Variants in CAPZB observed in about 807,000 individuals in gnomAD.
CAPZB encodes the protein F-actin-capping protein subunit beta.
Under a neutral mutation model 38.1 loss-of-function variants are expected in CAPZB, and 2 were observed. The ratio of observed to expected loss-of-function variants is 0.05; its 90% CI spans 0.02 to 0.17. The LOEUF (loss-of-function observed/expected upper bound fraction) is 0.17, where lower values mean the gene tolerates loss of function less well. Among genes scored for constraint, CAPZB ranks in the 10% least tolerant of loss-of-function variants. The pLI is 1.00. For missense variants in CAPZB, 161 were observed against 334.2 expected (o/e 0.48, Z 4.04); for synonymous variants, 107 against 127.4 (o/e 0.84, Z 1.08).
rs1272542770 is a variant in CAPZB, at chr1:19,338,977, C to T, written c.*553G>A. On this transcript the variant is annotated 3_prime_UTR_variant, in exon 9 of 9. Transcript: ENST00000264202. ...CGGTCGGCGGCACCCCCCCCAGCCCCCACCCCGCGGCCTCCGTGGGACGGG... is the reference window on the plus strand; with the variant it reads ...CGGTCGGCGGCACCCCCCCCAGCCCTCACCCCGCGGCCTCCGTGGGACGGG... The T allele has an allele frequency of 6.6e-6, 1 of 152,600 alleles. No individual in the cohort carries two copies. Among genetic ancestry groups the T allele is most frequent in the Non-Finnish European group, 1.5e-5 (1 of 68,292 alleles). 9.5% of individuals were successfully genotyped at this position (152,600 alleles called of 1,614,324 possible). A position where few individuals can be genotyped will look rare whatever the true frequency, so the allele number is the denominator to read the frequency against.
chr1:19,416,398 C>A (rs1040181801), intron 2 of CAPZB, among the ~76,000 whole-genome samples: 22 of 152,260 alleles, frequency 1.4e-4, no homozygotes, highest in African/African-American at 4.6e-4. Context: ...ATCCTGGCTT[C>A]TTCCCCATAG....
intron 1 of CAPZB, among the ~76,000 whole-genome samples, chr1:19,425,089 T>C (rs4912091): frequency 0.75 from 114,451 of 152,174 alleles, 43,298 homozygotes; most frequent in East Asian, 0.85. Flanking sequence ...TCCTAGGACT[T>C]CCCTCCCTCA....
At chr1:19,417,047 T>A (rs1205226932) in intron 2 of CAPZB, among the ~76,000 whole-genome samples, 1 of 152,022 alleles carries the variant, frequency 6.6e-6, no homozygotes, top group Non-Finnish European at 1.5e-5. Flanking sequence ...CAGCTCTTGA[T>A]ACTCTCCTTC....
At chr1:19,400,416 CCCT>C (rs949128627) in intron 2 of CAPZB, among the ~76,000 whole-genome samples, 8 of 152,182 alleles carry the variant, frequency 5.3e-5, no homozygotes, top group Non-Finnish European at 1.0e-4. Context: ...GCGTGCCATG[CCCT>C]CCTCAAGTAT....
intron 1 of CAPZB, among the ~76,000 whole-genome samples, chr1:19,442,326 T>A (rs2094480115): frequency 6.6e-6 from 1 of 152,112 alleles, no homozygotes; most frequent in Non-Finnish European, 1.5e-5. Context: ...TGATTCAAAC[T>A]GATTCGAGCT....
At chr1:19,362,197 T>TA (rs946849947) in intron 4 of CAPZB, among the ~76,000 whole-genome samples, 11 of 72,694 alleles carry the variant, frequency 1.5e-4, no homozygotes, top group Non-Finnish European at 3.2e-4. Context: ...TTTTATTATA[T>TA]TTTTTTGAGA....
rs1006230451 is a variant in CAPZB at position 19,359,296 on chromosome 1, A to C, written c.330-1733T>G. Among the ~76,000 whole-genome samples the C allele has an allele frequency of 2.0e-5, 3 of 150,818 alleles. No homozygotes were observed. The Admixed American group carries it at 2.0e-4, about 10-fold the overall frequency. ...GCTTTTGTGAAAAATCAGTACACGA[A>C]TACACCGGAGTGTAATGTAACTAAG... On this transcript the variant is annotated intron_variant, in intron 4 of 8. Transcript: ENST00000264202.
At chr1:19,468,471 C>T (rs1311400957) in intron 1 of CAPZB, among the ~76,000 whole-genome samples, 5 of 152,190 alleles carry the variant, frequency 3.3e-5, no homozygotes, top group Admixed American at 2.6e-4. Context: ...ACATAGGAGG[C>T]GCTCAGGGAA....
intron 1 of CAPZB, among the ~76,000 whole-genome samples, chr1:19,437,575 A>G (rs1456610894): frequency 6.6e-6 from 1 of 152,196 alleles, no homozygotes; most frequent in Non-Finnish European, 1.5e-5. Flanking sequence ...CACAGTCTTA[A>G]AGACTTGATG....
At chr1:19,366,375 G>A (rs2094088227) in intron 4 of CAPZB, among the ~76,000 whole-genome samples, 1 of 150,278 alleles carries the variant, frequency 6.7e-6, no homozygotes, top group Non-Finnish European at 1.5e-5. Context: ...ACAAAGACAA[G>A]GTCATACAGG....
At chr1:19,483,006 G>A (rs1178865114) in intron 1 of CAPZB, among the ~76,000 whole-genome samples, 1 of 152,198 alleles carries the variant, frequency 6.6e-6, no homozygotes, top group African/African-American at 2.4e-5. Flanking sequence ...ACATGCCAAA[G>A]AGAACATTCC....
intron 6 of CAPZB, among the ~76,000 whole-genome samples, chr1:19,351,022 G>A (rs1454995197): frequency 4.7e-5 from 7 of 148,476 alleles, no homozygotes; most frequent in African/African-American, 1.0e-4. Context: ...TTGCTCTGTC[G>A]CCCAGGCTGG....
intron 2 of CAPZB, among the ~76,000 whole-genome samples, chr1:19,391,660 A>C (rs1401334950): frequency 6.6e-6 from 1 of 152,242 alleles, no homozygotes; most frequent in Non-Finnish European, 1.5e-5. Context: ...CCAACCTCGA[A>C]ACCGAACAGG....
chr1:19,394,525 A>G (rs2094255504), intron 2 of CAPZB, among the ~76,000 whole-genome samples: 1 of 152,194 alleles, frequency 6.6e-6, no homozygotes, highest in Admixed American at 6.5e-5. Context: ...GTTTGAGACC[A>G]ACCTGGCCAA....
At chr1:19,469,751 C>CAT (rs141845506) in intron 1 of CAPZB, among the ~76,000 whole-genome samples, 2 of 137,726 alleles carry the variant, frequency 1.5e-5, no homozygotes, top group African/African-American at 5.7e-5. Context: ...TACACACACA[C>CAT]ACACACACAC....
chr1:19,394,339 G>A (rs963560795), intron 2 of CAPZB, among the ~76,000 whole-genome samples: 1 of 152,230 alleles, frequency 6.6e-6, no homozygotes, highest in Admixed American at 6.5e-5. Flanking sequence ...TGTGAAGGCT[G>A]TAAGTTGTAA....
At chr1:19,456,117 G>C (rs2094532427) in intron 1 of CAPZB, among the ~76,000 whole-genome samples, 2 of 152,116 alleles carry the variant, frequency 1.3e-5, no homozygotes, top group Non-Finnish European at 2.9e-5. Flanking sequence ...TTGCCATGTT[G>C]GCCAGGCTGG....
At chr1:19,343,732 A>G (rs986575070) in intron 8 of CAPZB, among the ~76,000 whole-genome samples, 1 of 152,218 alleles carries the variant, frequency 6.6e-6, no homozygotes, top group Non-Finnish European at 1.5e-5. Flanking sequence ...GAGGGTCCAG[A>G]GAGCGCCCGG....
chr1:19,405,605 A>G (rs1201661054), intron 2 of CAPZB, among the ~76,000 whole-genome samples: 2 of 151,780 alleles, frequency 1.3e-5, no homozygotes, highest in Non-Finnish European at 2.9e-5. Flanking sequence ...CCTGGGGCAA[A>G]TCTCCTGAAG....
Sources: allele counts gnomAD v4.1 joint callset (sites outside exome capture counted in the v4.1 genomes callset), GRCh38; gene constraint gnomAD v4.1.1; transcripts MANE v1.5; gene names NCBI Gene and HGNC (gene_info 2026-07-23, HGNC 2026-07-21).